IKZF2: variants seen among roughly 807,000 people sequenced by gnomAD.
The protein encoded by IKZF2 is zinc finger protein Helios.
In IKZF2, 15 loss-of-function variants were observed where a neutral mutation model predicts 49.2. The ratio of observed to expected loss-of-function variants is 0.30; its 90% confidence interval spans 0.20 to 0.47. IKZF2 has a LOEUF of 0.47. Among genes scored for constraint, IKZF2 ranks in the 20% least tolerant of loss-of-function variants. IKZF2 has a pLI of 1.00. For missense variants in IKZF2, 567 were observed against 664.6 expected, an observed-to-expected ratio of 0.85 and a Z score of 1.61; for synonymous variants, 227 against 221.4, an observed-to-expected ratio of 1.03 and a Z score of -0.23.
At position 213,124,249 on chromosome 2, in the gene IKZF2, C is replaced by T. The variant is rs1333060192; in HGVS notation, c.139+23459G>A. ...GCACGCACACATGCGCTCGCGCGCGCGCGCACACACACACACACACACACA... is the reference window on the plus strand; with the variant it reads ...GCACGCACACATGCGCTCGCGCGCGTGCGCACACACACACACACACACACA... On this transcript the variant is annotated intron_variant, in intron 4 of 8. Transcript: ENST00000434687. Among the ~76,000 whole-genome samples, 17 of 100,656 alleles carry T rather than the reference C, an allele frequency of 1.7e-4. No homozygotes were observed. The East Asian group carries it at 3.3e-3, about 19-fold the overall frequency. 66.0% of individuals were successfully genotyped at this position (100,656 alleles called of 152,430 possible).
rs1695485006 is a variant in IKZF2 at position 213,007,704 on chromosome 2, T to G, written c.1237A>C (p.Ser413Arg). ...SCLDSTDSES[S>R]HDDHQSYQGH... ...TGGTAGGACTGGTGGTCATCATGGC[T>G]GCTTTCTGAGTCAGTGGAATCCAGG... is the stretch of plus-strand genomic sequence containing the variant. Residue 413 changes from serine to arginine, a missense_variant, in exon 9 of 9, where the codon AGC (serine) becomes CGC (arginine). Physicochemically the swap from Ser to Arg is moderately radical, Grantham distance 110. Around this residue, in one of 5 missense-constraint regions of IKZF2, gnomAD observed 310 missense variants for 326.9 expected, o/e 0.95. Transcript: ENST00000434687. The G allele has an allele frequency of 6.2e-7, 1 of 1,613,684 alleles. No individual in the cohort carries two copies. Among genetic ancestry groups the G allele is most frequent in the Admixed American group, 1.7e-5 (1 of 59,978 alleles).
chr2:213,080,113 T>C (rs1265970075), intron 4 of IKZF2, among the ~76,000 whole-genome samples: 5 of 151,838 alleles, frequency 3.3e-5, no homozygotes, highest in Non-Finnish European at 5.9e-5. Context: ...AACACTCTCC[T>C]AAGAGAAAAA....
intron 4 of IKZF2, among the ~76,000 whole-genome samples, chr2:213,066,050 T>C (rs189434171): frequency 8.4e-4 from 128 of 152,228 alleles, no homozygotes; most frequent in Middle Eastern, 6.8e-3. Context: ...TACTTTGAAC[T>C]GGTGTTTGGC....
intron 4 of IKZF2, among the ~76,000 whole-genome samples, chr2:213,096,981 C>T (rs1023664352): frequency 7.9e-5 from 12 of 151,632 alleles, no homozygotes; most frequent in African/African-American, 2.7e-4. Flanking sequence ...ATAAATTTGT[C>T]GCGTTAATTA....
At chr2:213,139,177 T>C (rs968097120) in intron 4 of IKZF2, among the ~76,000 whole-genome samples, 8 of 151,974 alleles carry the variant, frequency 5.3e-5, no homozygotes, top group South Asian at 2.1e-4. Context: ...CGTAACCTGA[T>C]TGTATGTATT....
intron 4 of IKZF2, among the ~76,000 whole-genome samples, chr2:213,145,711 T>A (rs1236786726): frequency 6.6e-6 from 1 of 152,084 alleles, no homozygotes; most frequent in African/African-American, 2.4e-5. Flanking sequence ...AGAGGCTACA[T>A]AAAGGATGCA....
intron 4 of IKZF2, among the ~76,000 whole-genome samples, chr2:213,135,545 A>C (rs554631701): frequency 1.3e-5 from 2 of 152,136 alleles, no homozygotes; most frequent in Non-Finnish European, 2.9e-5. Context: ...AAAATTGTTA[A>C]AAATTAGCTG....
chr2:213,133,703 AAAATAAATAAAT>A (rs145388709), intron 4 of IKZF2, among the ~76,000 whole-genome samples: 1 of 145,398 alleles, frequency 6.9e-6, no homozygotes, highest in Non-Finnish European at 1.5e-5. Flanking sequence ...CCGTCTCGAA[AAAATAAATAAAT>A]AAATAAATAA....
intron 4 of IKZF2, among the ~76,000 whole-genome samples, chr2:213,138,344 A>G (rs2060749762): frequency 6.6e-6 from 1 of 152,030 alleles, no homozygotes; most frequent in Non-Finnish European, 1.5e-5. Flanking sequence ...CTTAGAGATC[A>G]GCTTTTGGGA....
intron 5 of IKZF2, among the ~76,000 whole-genome samples, chr2:213,054,011 G>A (rs1479474076): frequency 6.6e-6 from 1 of 152,146 alleles, no homozygotes; most frequent in Non-Finnish European, 1.5e-5. Flanking sequence ...CCAGCACTTT[G>A]AGAGGCTAGG....
In IKZF2 at chr2:213,000,872, A is replaced by AT. The variant is rs1219965210; in HGVS notation, c.*6487dup. On this transcript the variant is annotated 3_prime_UTR_variant, in exon 9 of 9. Coordinates refer to ENST00000434687, the MANE Select transcript of IKZF2 (RefSeq NM_001387220.1). The stretch of plus-strand genomic sequence containing the variant: ...TGTAAAAAGTTCAACTTTAGGACAC[A>AT]TTTTTCAAGCAAAAGATTACTAATT... 1 of 151,604 alleles carries AT rather than the reference A, an allele frequency of 6.6e-6. No individual in the cohort carries two copies. Among genetic ancestry groups the AT allele is most frequent in the East Asian group, 1.9e-4 (1 of 5,168 alleles). 9.4% of individuals were successfully genotyped at this position (151,604 alleles called of 1,614,324 possible).
chr2:213,012,050 G>A (rs1289878077), intron 8 of IKZF2, among the ~76,000 whole-genome samples: 1 of 151,908 alleles, frequency 6.6e-6, no homozygotes, highest in South Asian at 2.1e-4. Context: ...AATTTGATAA[G>A]GTCAAAGAAT....
intron 5 of IKZF2, among the ~76,000 whole-genome samples, chr2:213,054,034 A>C (rs7560983): frequency 0.53 from 80,115 of 151,620 alleles, 21,788 homozygotes; most frequent in East Asian, 0.76. Context: ...GGGTGGAACA[A>C]CTGAGGTCAG....
At chr2:213,149,350 T>TA (rs539002646) in intron 2 of IKZF2, among the ~76,000 whole-genome samples, 7,423 of 141,388 alleles carry the variant, frequency 0.053, 335 homozygotes, top group African/African-American at 0.13. Context: ...GAGAATCATT[T>TA]AAAAAAAAAA....
intron 4 of IKZF2, 41 bp downstream of exon 4, chr2:213,147,667 G>T: frequency 7.2e-7 from 1 of 1,396,588 alleles, no homozygotes; most frequent in Non-Finnish European, 1.0e-6. Flanking sequence ...TTGCTGGAGA[G>T]ACACACACAC....
chr2:213,049,280 T>A (rs1260900405), intron 6 of IKZF2, among the ~76,000 whole-genome samples: 1 of 152,020 alleles, frequency 6.6e-6, no homozygotes, highest in Non-Finnish European at 1.5e-5. Flanking sequence ...AAAGAAACAA[T>A]TTTATTTTCC....
intron 4 of IKZF2, among the ~76,000 whole-genome samples, chr2:213,072,632 AG>A (rs1194742984): frequency 8.4e-6 from 1 of 118,432 alleles, no homozygotes; most frequent in Non-Finnish European, 1.8e-5. Context: ...CACTCTTGAA[AG>A]TTAAGTCTGT....
chr2:213,061,238 T>C (rs143344265), intron 4 of IKZF2, among the ~76,000 whole-genome samples: 87 of 151,590 alleles, frequency 5.7e-4, no homozygotes, highest in African/African-American at 2.0e-3. Flanking sequence ...ACAATAGTCA[T>C]TGCTTCCAGA....
Position 212,999,801 on chromosome 2 carries a change from A to G in IKZF2, c.*7559T>C, listed in dbSNP as rs1357731380. 1.3e-5 allele frequency: 2 copies of G among 152,392 alleles called. No homozygotes were observed. Among genetic ancestry groups the G allele is most frequent in the African/African-American group, 2.4e-5 (1 of 41,442 alleles). 9.4% of individuals were successfully genotyped at this position (152,392 alleles called of 1,614,324 possible). On this transcript the variant is annotated 3_prime_UTR_variant, in exon 9 of 9. Transcript: ENST00000434687. ...AAGAAATAAATCTTGGACAAATTAT[A>G]TGCTTGTTCCTGAGATTCCCTAAAT...
Sources: gnomAD v4.1 joint callset for allele counts (sites outside exome capture counted in the v4.1 genomes callset) on GRCh38, gnomAD v4.1.1 for gene constraint, gnomAD v4.1.1 regional missense constraint, MANE v1.5 for transcripts, NCBI Gene and HGNC (gene_info 2026-07-23, HGNC 2026-07-21) for gene names.